Variants in PTCH1 observed in about 807,000 individuals in gnomAD.
PTCH1 encodes protein patched homolog 1.
A neutral mutation model predicts 144.6 loss-of-function variants in PTCH1; 14 were observed. The observed-to-expected ratio is 0.10, with a 90% confidence interval of 0.06 to 0.15. The LOEUF is 0.15. Ranked by LOEUF, PTCH1 falls within the 10% of genes least tolerant of loss-of-function variation. The probability of loss-of-function intolerance (pLI) is 1.00; values close to 1 mark genes in which losing one functional copy is unlikely to be tolerated. For synonymous variants in PTCH1, 833 were observed against 793.6 expected, an observed-to-expected ratio of 1.05 and a Z score of -0.83; for missense variants, 1,623 against 1,948.3, an observed-to-expected ratio of 0.83 and a Z score of 3.14.
intron 3 of PTCH1, among the ~76,000 whole-genome samples, chr9:95,485,245 G>A (rs1431239783): frequency 1.3e-5 from 2 of 152,118 alleles, no homozygotes; most frequent in Non-Finnish European, 2.9e-5. Context: ...AATTCCCATG[G>A]TGGCTCAGCC....
In PTCH1 at chr9:95,445,618, T is replaced by G. The variant is rs1837820602; in HGVS notation, c.*775A>C. On this transcript the variant is annotated 3_prime_UTR_variant, in exon 24 of 24. Transcript: ENST00000331920. ...GGCTGATTTGAAAGGATTAGGTGGA[T>G]GTTTAGGGCCAGCCCTCACCAGCAC... 6.6e-6 allele frequency: 1 copy of G among 152,252 alleles called. No individual in the cohort carries two copies. Among genetic ancestry groups the G allele is most frequent in the South Asian group, 2.1e-4 (1 of 4,834 alleles). 9.4% of individuals were successfully genotyped at this position (152,252 alleles called of 1,614,324 possible). A position where few individuals can be genotyped will look rare whatever the true frequency, so the allele number is the denominator to read the frequency against.
chr9:95,456,133 G>T, intron 19 of PTCH1, 143 bp downstream of exon 19: 1 of 1,202,964 alleles, frequency 8.3e-7, no homozygotes, highest in Non-Finnish European at 1.2e-6. Context: ...AAATCTTGCA[G>T]GCTCTCCTAG....
intron 2 of PTCH1, chr9:95,506,187 C>T (rs1052432466): frequency 2.0e-6 from 1 of 492,716 alleles, no homozygotes; most frequent in Middle Eastern, 5.5e-4. Flanking sequence ...TCTCTCCCAC[C>T]ACACCTCGGC....
chr9:95,505,347 T>C (rs1843490108), intron 2 of PTCH1, among the ~76,000 whole-genome samples: 1 of 152,146 alleles, frequency 6.6e-6, no homozygotes, highest in Non-Finnish European at 1.5e-5. Context: ...TACTACCCTC[T>C]TGTAAGGTAA....
intron 12 of PTCH1, among the ~76,000 whole-genome samples, chr9:95,475,340 G>T (rs1233509711): frequency 6.6e-6 from 1 of 152,144 alleles, no homozygotes; most frequent in African/African-American, 2.4e-5. Context: ...AGGGGCCCAC[G>T]TGCTCTGCAT....
intron 1 of PTCH1, chr9:95,507,352 C>G: frequency 1.0e-6 from 1 of 985,394 alleles, no homozygotes. Context: ...CAGGCTGCTC[C>G]CCGGCGCGGC....
At chr9:95,513,742 G>A (rs113672029), upstream of PTCH1, among the ~76,000 whole-genome samples, 4,424 of 152,202 alleles carry the variant, frequency 0.029, 228 homozygotes, top group African/African-American at 0.1. Context: ...GGGAGATTCA[G>A]CAGCTACAAA....
intron 2 of PTCH1, chr9:95,494,362 T>TC: frequency 1.0e-6 from 1 of 985,528 alleles, no homozygotes; most frequent in Non-Finnish European, 1.2e-6. Flanking sequence ...AGCCACGAGT[T>TC]CCCGAGACGA....
chr9:95,451,357 G>A (rs1412110426), intron 20 of PTCH1: 1 of 152,168 alleles, frequency 6.6e-6, no homozygotes, highest in Non-Finnish European at 1.5e-5. Flanking sequence ...ATTTGACCTT[G>A]GTGAGGCCTT....
At chr9:95,501,430 T>C (rs982661400) in intron 2 of PTCH1, among the ~76,000 whole-genome samples, 6 of 152,006 alleles carry the variant, frequency 3.9e-5, no homozygotes, top group Non-Finnish European at 7.4e-5. Context: ...CTACAACTGA[T>C]TGCCTGAGTT....
intron 3 of PTCH1, chr9:95,482,597 A>G (rs1043118464): frequency 3.3e-6 from 1 of 305,244 alleles, no homozygotes; most frequent in African/African-American, 2.2e-5. Flanking sequence ...ATTGACACAT[A>G]CTCAGGTGCG....
intron 7 of PTCH1, 76 bp downstream of exon 7, chr9:95,479,892 CG>C: frequency 6.2e-7 from 1 of 1,602,720 alleles, no homozygotes; most frequent in Non-Finnish European, 8.5e-7. Context: ...ATACACTTGC[CG>C]ATGTCAGGAG....
Position 95,461,859 on chromosome 9 carries a change from G to A in PTCH1, c.2700C>T (p.Ser900=), listed in dbSNP as rs2136686592. 1 of 1,614,194 alleles carries A rather than the reference G, an allele frequency of 6.2e-7. No homozygotes were observed. Among genetic ancestry groups the A allele is most frequent in the East Asian group, 2.2e-5 (1 of 44,886 alleles). The change falls in exon 16 of 24, where the codon AGC becomes AGT. Residue 900 remains serine (S), a synonymous_variant. Coordinates refer to ENST00000331920, the MANE Select transcript of PTCH1 (RefSeq NM_000264.5). ...TGSRDKPIDI[S]QLTKQRLVDA... ...CAGTGCCCAGCAGCTGGAGTACCTG[G>A]CTGATGTCGATGGGCTTATCGCGGC...
intron 16 of PTCH1, among the ~76,000 whole-genome samples, chr9:95,461,298 T>A (rs987222509): frequency 2.0e-5 from 3 of 152,018 alleles, no homozygotes; most frequent in African/African-American, 7.2e-5. Context: ...ATTCCAAGGG[T>A]GCACATTTCC....
rs1403434927 is a variant in PTCH1 at position 95,503,967 on chromosome 9, G to C, written c.394+2440C>G. ...GGAAGTGGAGCTTGCAGTGAGCCGAGATTGCGCCACTGCAGTCCGCAGTCT... is the reference window on the plus strand; with the variant it reads ...GGAAGTGGAGCTTGCAGTGAGCCGACATTGCGCCACTGCAGTCCGCAGTCT... On this transcript the variant is annotated intron_variant, in intron 2 of 23. Transcript: ENST00000331920. Among the ~76,000 whole-genome samples the C allele has an allele frequency of 1.8e-4, 19 of 105,402 alleles. 1 individual carries two copies. The Admixed American group carries it at 2.0e-3, about 11-fold the overall frequency. 69.1% of individuals were successfully genotyped at this position (105,402 alleles called of 152,430 possible).
At chr9:95,510,248 TTA>T (rs1342439009), upstream of PTCH1, among the ~76,000 whole-genome samples, 5 of 152,212 alleles carry the variant, frequency 3.3e-5, no homozygotes, top group Non-Finnish European at 7.3e-5. Context: ...AACCAGATGT[TTA>T]TATAGTCAGT....
At chr9:95,473,969 C>T (rs1840811827) in intron 12 of PTCH1, 1 of 426,664 alleles carries the variant, frequency 2.3e-6, no homozygotes, top group South Asian at 1.7e-5. Flanking sequence ...AACAGAAACA[C>T]AAAAACCAAC....
chr9:95,508,159 A>C lies in PTCH1; in HGVS notation c.201+2T>G. 6.2e-7 allele frequency: 1 copy of C among 1,612,506 alleles called. No individual in the cohort carries two copies. ...AGTGGGAGGAGAGAGTCTGAAATGCACCTTGGAAATCTGCTCCAGAGCGAA... is the reference window on the plus strand; with the variant it reads ...AGTGGGAGGAGAGAGTCTGAAATGCCCCTTGGAAATCTGCTCCAGAGCGAA... On this transcript the variant is annotated splice_donor_variant, in intron 1 of 23. Coordinates refer to ENST00000331920, the MANE Select transcript of PTCH1 (RefSeq NM_000264.5). LOFTEE classifies it high-confidence loss of function.
intron 1 of PTCH1, among the ~76,000 whole-genome samples, chr9:95,516,081 A>G (rs1290452965): frequency 1.3e-5 from 2 of 152,002 alleles, no homozygotes; most frequent in Non-Finnish European, 2.9e-5. Flanking sequence ...CACCAGGCTG[A>G]TGAGCGGAAG....
Sources: gnomAD v4.1 joint callset for allele counts (sites outside exome capture counted in the v4.1 genomes callset) on GRCh38, gnomAD v4.1.1 for gene constraint, MANE v1.5 for transcripts, NCBI Gene and HGNC (gene_info 2026-07-23, HGNC 2026-07-21) for gene names.